STK11: variants seen among roughly 807,000 people sequenced by gnomAD.
STK11 encodes the protein serine/threonine-protein kinase STK11.
STK11 carries 8 observed loss-of-function variants against 47.3 expected under a neutral mutation model. The observed-to-expected ratio is 0.17, with a 90% CI of 0.10 to 0.31. STK11 has a LOEUF of 0.31. STK11 is among the 10% of genes least tolerant of loss of function. The pLI is 1.00. For missense variants in STK11, 475 were observed against 605.0 expected (o/e 0.79, Z 2.25); for synonymous variants, 330 against 255.8 (o/e 1.29, Z -2.77).
rs939644267 is a variant in STK11, at chr19:1,206,542, G to C, written c.-372G>C. On this transcript the variant is annotated 5_prime_UTR_variant, in exon 1 of 10. Coordinates refer to ENST00000326873, the MANE Select transcript of STK11 (RefSeq NM_000455.5). The stretch of plus-strand genomic sequence containing the variant: ...GTCCGTGGGCCTGAGGTCCCCGGAG[G>C]ATGACCTAGCACTGAAAAGCCCCGG... 1 of 326,890 alleles carries C rather than the reference G, an allele frequency of 3.1e-6. No homozygotes were observed. Among genetic ancestry groups the C allele is most frequent in the African/African-American group, 2.1e-5 (1 of 47,730 alleles). 20.2% of individuals were successfully genotyped at this position (326,890 alleles called of 1,614,324 possible).
At position 1,226,746 on chromosome 19, in the gene STK11, T is replaced by G. The variant is rs1030204593; in HGVS notation, c.*16+83T>G. On this transcript the variant is annotated intron_variant, in intron 9 of 9. Transcript: ENST00000326873. ...CAGCCGTGAGCATAGCCCGCGCTAG[T>G]CAGTCATGGTGACCGTCACGTGGCT... 44 of 1,398,314 alleles carry G rather than the reference T, an allele frequency of 3.1e-5. No homozygotes were observed. In the South Asian group the frequency reaches 6.6e-4, roughly 21 times the overall value. 86.6% of individuals were successfully genotyped at this position (1,398,314 alleles called of 1,614,324 possible).
chr19:1,209,909 T>C (rs1178721936), intron 1 of STK11, among the ~76,000 whole-genome samples: 2 of 152,264 alleles, frequency 1.3e-5, no homozygotes, highest in East Asian at 3.9e-4. Context: ...GACTGGACTG[T>C]GCGTCGCAGC....
intron 8 of STK11, chr19:1,225,018 C>T (rs2080811000): frequency 1.0e-6 from 1 of 983,708 alleles, no homozygotes; most frequent in Non-Finnish European, 1.2e-6. Context: ...CTGCGTGCCT[C>T]CACTTTGGCC....
At chr19:1,217,794 C>T (rs1332200486) in intron 1 of STK11, among the ~76,000 whole-genome samples, 1 of 152,194 alleles carries the variant, frequency 6.6e-6, no homozygotes, top group African/African-American at 2.4e-5. Context: ...TCCAACTCAC[C>T]CTGGCTCCTG....
At position 1,228,235 on chromosome 19, in the gene STK11, C is replaced by T. The variant is rs1206024049; in HGVS notation, c.*659C>T. The T allele has an allele frequency of 3.0e-6, 2 of 667,506 alleles. No homozygotes were observed. Among genetic ancestry groups the T allele is most frequent in the Non-Finnish European group, 3.9e-6 (2 of 516,276 alleles). The allele number at this position is 667,506 out of a possible 1,614,324, so 41.3% of individuals were successfully genotyped here. A position where few individuals can be genotyped will look rare whatever the true frequency, so the allele number is the denominator to read the frequency against. On this transcript the variant is annotated 3_prime_UTR_variant, in exon 10 of 10. Transcript: ENST00000326873. ...GGAGGGCAGGACCCTCACCTCTCCC[C>T]CAAGGCCACTGCGCTCTTGGGACCC...
At position 1,220,466 on chromosome 19, in the gene STK11, C is replaced by G. The variant is rs749563734; in HGVS notation, c.558C>G (p.Thr186=). ...DIKPGNLLLT[T]GGTLKISDLG... ...AGCCGGGGAACCTGCTGCTCACCACCGGTGGCACCCTCAAAATCTCCGACC... is the reference window on the plus strand; with the variant it reads ...AGCCGGGGAACCTGCTGCTCACCACGGGTGGCACCCTCAAAATCTCCGACC... The change falls in exon 4 of 10, where the codon ACC becomes ACG. Residue 186 remains threonine, a synonymous_variant. Coordinates refer to ENST00000326873, the MANE Select transcript of STK11 (RefSeq NM_000455.5). 31 of 1,606,896 alleles carry G rather than the reference C, an allele frequency of 1.9e-5. No individual in the cohort carries two copies. The South Asian group carries it at 3.3e-4, about 17-fold the overall frequency.
Position 1,228,025 on chromosome 19 carries a change from G to GT in STK11, c.*455dup. The GT allele has an allele frequency of 9.4e-7, 1 of 1,066,706 alleles. No homozygotes were observed. Among genetic ancestry groups the GT allele is most frequent in the Non-Finnish European group, 1.1e-6 (1 of 880,198 alleles). 66.1% of individuals were successfully genotyped at this position (1,066,706 alleles called of 1,614,324 possible). A position where few individuals can be genotyped will look rare whatever the true frequency, so the allele number is the denominator to read the frequency against. ...ACCTGGAAGCCGCGCGGCCGCTTTG[G>GT]TTTTTTGTTTGGTTGGTTCCATTTT... On this transcript the variant is annotated 3_prime_UTR_variant, in exon 10 of 10. Coordinates refer to ENST00000326873, the MANE Select transcript of STK11 (RefSeq NM_000455.5).
In STK11 at chr19:1,226,680, C is replaced by A. The variant is rs1296951582; in HGVS notation, c.*16+17C>A. 6 of 1,479,704 alleles carry A rather than the reference C, an allele frequency of 4.1e-6. No homozygotes were observed. Among genetic ancestry groups the A allele is most frequent in the Non-Finnish European group, 5.4e-6 (6 of 1,120,616 alleles). 91.7% of individuals were successfully genotyped at this position (1,479,704 alleles called of 1,614,324 possible). A position where few individuals can be genotyped will look rare whatever the true frequency, so the allele number is the denominator to read the frequency against. ...CGCCTGCAGGTGGGGCGCGGCGGGG[C>A]CCGGGTGGGGCATGTGGGGACAACG... On this transcript the variant is annotated intron_variant, in intron 9 of 9. Coordinates refer to ENST00000326873, the MANE Select transcript of STK11 (RefSeq NM_000455.5).
intron 1 of STK11, among the ~76,000 whole-genome samples, chr19:1,209,992 C>G (rs2080698440): frequency 6.6e-6 from 1 of 152,198 alleles, no homozygotes; most frequent in Non-Finnish European, 1.5e-5. Flanking sequence ...CAATTTCATC[C>G]TGGCCCTGAG....
chr19:1,209,668 G>A (rs971452041), intron 1 of STK11, among the ~76,000 whole-genome samples: 2 of 152,140 alleles, frequency 1.3e-5, no homozygotes, highest in African/African-American at 4.8e-5. Context: ...GGGTCAATGG[G>A]AAGACAGACG....
At chr19:1,222,532 G>A (rs957429337) in intron 7 of STK11, among the ~76,000 whole-genome samples, 2 of 152,194 alleles carry the variant, frequency 1.3e-5, no homozygotes, top group African/African-American at 2.4e-5. Flanking sequence ...CACTGAGACC[G>A]GCTCTGGGAG....
At position 1,225,493 on chromosome 19, in the gene STK11, A is replaced by T. The variant is rs376444907; in HGVS notation, c.1109-961A>T. 283 of 947,412 alleles carry T rather than the reference A, an allele frequency of 3.0e-4. 5 individuals are homozygous for T. The East Asian group carries it at 0.02, about 67-fold the overall frequency. 58.7% of individuals were successfully genotyped at this position (947,412 alleles called of 1,614,324 possible). A position where few individuals can be genotyped will look rare whatever the true frequency, so the allele number is the denominator to read the frequency against. On this transcript the variant is annotated intron_variant, in intron 8 of 9. Transcript: ENST00000326873. ...ACCATGTTGGTCAGGCTGGTCTCAAACTCCTAACCTCATGATCTGCCCACC... is the reference window on the plus strand; with the variant it reads ...ACCATGTTGGTCAGGCTGGTCTCAATCTCCTAACCTCATGATCTGCCCACC...
chr19:1,211,142 G>T (rs977142112), intron 1 of STK11, among the ~76,000 whole-genome samples: 21 of 152,354 alleles, frequency 1.4e-4, no homozygotes, highest in Admixed American at 1.1e-3. Flanking sequence ...AGGCGTGGTG[G>T]CGCGCGCCTG....
At chr19:1,223,927 T>A (rs2080803710) in intron 8 of STK11, 1 of 1,013,080 alleles carries the variant, frequency 9.9e-7, no homozygotes, top group African/African-American at 1.7e-5. Context: ...GGGGGCTTTC[T>A]GCTTTACTGT....
intron 7 of STK11, among the ~76,000 whole-genome samples, chr19:1,222,347 G>A (rs1415251991): frequency 1.3e-5 from 2 of 152,226 alleles, no homozygotes; most frequent in Non-Finnish European, 2.9e-5. Flanking sequence ...GCAGCAGGGT[G>A]TGGCTGGGAT....
At chr19:1,213,233 G>A (rs929229662) in intron 1 of STK11, among the ~76,000 whole-genome samples, 4 of 150,196 alleles carry the variant, frequency 2.7e-5, no homozygotes, top group South Asian at 2.1e-4. Flanking sequence ...TCCTGACCTC[G>A]TGATCTGCCT....
intron 6 of STK11, 148 bp downstream of exon 6, chr19:1,221,488 A>G: frequency 7.8e-7 from 1 of 1,278,182 alleles, no homozygotes; most frequent in Non-Finnish European, 1.0e-6. Flanking sequence ...ACCTCCCCGC[A>G]GGGCCTGGTT....
Position 1,220,520 on chromosome 19 carries a change from G to A in STK11, c.597+15G>A, listed in dbSNP as rs774187994. On this transcript the variant is annotated intron_variant, in intron 4 of 9. Transcript: ENST00000326873. The stretch of plus-strand genomic sequence containing the variant: ...GCGTGGCCGAGGTAGGCACGTGCTA[G>A]GGGGGGCCCTGGGGCGCCCCCTCCC... The A allele has an allele frequency of 1.3e-6, 2 of 1,593,976 alleles. No individual in the cohort carries two copies. The highest frequency in any genetic ancestry group is 8.5e-7 in the Non-Finnish European group (1 of 1,169,994).
At position 1,206,075 on chromosome 19, in the gene STK11, G is replaced by A. The variant is rs1375514813; in HGVS notation, c.-839G>A. ...AGCCCCCGCCGCCGCGCCGCCCCGC[G>A]GACCGGACGCTGAGGGCACTCGGGG... On this transcript the variant is annotated 5_prime_UTR_variant, in exon 1 of 10. Transcript: ENST00000326873. 1 of 146,248 alleles carries A rather than the reference G, an allele frequency of 6.8e-6. No individual in the cohort carries two copies. Among genetic ancestry groups the A allele is most frequent in the Non-Finnish European group, 1.5e-5 (1 of 65,796 alleles). The allele number at this position is 146,248 out of a possible 1,614,324, so 9.1% of individuals were successfully genotyped here. A position where few individuals can be genotyped will look rare whatever the true frequency, so the allele number is the denominator to read the frequency against.
Sources: allele counts gnomAD v4.1 joint callset (sites outside exome capture counted in the v4.1 genomes callset), GRCh38; gene constraint gnomAD v4.1.1; transcripts MANE v1.5; gene names NCBI Gene and HGNC (gene_info 2026-07-23, HGNC 2026-07-21).